SYN3: variants seen among roughly 807,000 people sequenced by gnomAD.
The protein encoded by SYN3 is synapsin-3.
A neutral mutation model predicts 65.8 loss-of-function variants in SYN3; 35 were observed. The observed-to-expected ratio is 0.53, with a 90% CI of 0.41 to 0.70. The LOEUF is 0.70. SYN3 is among the 30% of genes least tolerant of loss of function. The pLI is 0.00. For synonymous variants in SYN3, 270 were observed against 292.9 expected, an observed-to-expected ratio of 0.92 and a Z score of 0.80; for missense variants, 680 against 749.0, an observed-to-expected ratio of 0.91 and a Z score of 1.08.
intron 1 of SYN3, among the ~76,000 whole-genome samples, chr22:33,007,496 T>C (rs1046962320): frequency 6.6e-6 from 1 of 152,184 alleles, no homozygotes; most frequent in Non-Finnish European, 1.5e-5. Context: ...ATATGATGCT[T>C]CGGAAATGAG....
chr22:32,808,209 T>C (rs1336043865), intron 6 of SYN3, among the ~76,000 whole-genome samples: 2 of 152,228 alleles, frequency 1.3e-5, no homozygotes, highest in African/African-American at 4.8e-5. Flanking sequence ...AGGACTTACA[T>C]GGACTCAGGT....
At chr22:32,677,173 C>T (rs1007420264) in intron 6 of SYN3, among the ~76,000 whole-genome samples, 4 of 152,122 alleles carry the variant, frequency 2.6e-5, no homozygotes, top group South Asian at 4.1e-4. Context: ...TTTGACATAC[C>T]CCTGAAAATG....
intron 12 of SYN3, among the ~76,000 whole-genome samples, chr22:32,521,394 T>G (rs2057878329): frequency 6.6e-6 from 1 of 151,202 alleles, no homozygotes; most frequent in Non-Finnish European, 1.5e-5. Flanking sequence ...AGAGCTTCTG[T>G]GCTATCAAGA....
At chr22:33,037,673 C>T (rs1343605569) in intron 1 of SYN3, among the ~76,000 whole-genome samples, 2 of 152,234 alleles carry the variant, frequency 1.3e-5, no homozygotes, top group South Asian at 2.1e-4. Flanking sequence ...CCTAAGGTAA[C>T]CCAGTGAAGA....
chr22:32,670,411 A>C (rs1267403348), intron 6 of SYN3, among the ~76,000 whole-genome samples: 2 of 152,230 alleles, frequency 1.3e-5, no homozygotes, highest in Non-Finnish European at 2.9e-5. Flanking sequence ...ATCCTGCTTA[A>C]TTAATTAATA....
rs2059596173 is a variant in SYN3 at position 32,621,666 on chromosome 22, G to A, written c.712-24930C>T. Among the ~76,000 whole-genome samples the A allele has an allele frequency of 2.0e-5, 3 of 152,210 alleles. No homozygotes were observed. In the South Asian group the frequency reaches 6.2e-4, roughly 32 times the overall value. On this transcript the variant is annotated intron_variant, in intron 6 of 13. Transcript: ENST00000358763. ...CCTTTCCCAAATTTCCCTTACAGGG[G>A]GTGCCTTTTACCTACCTCACCCAAG...
At chr22:32,656,095 T>C (rs1310884883) in intron 6 of SYN3, among the ~76,000 whole-genome samples, 1 of 152,258 alleles carries the variant, frequency 6.6e-6, no homozygotes, top group Non-Finnish European at 1.5e-5. Context: ...CAAAAACCAG[T>C]AAGTGTCCTT....
At chr22:32,869,367 T>TCTCTCTCTCTCTCTCTCTCTCTCTCTCA (rs61464794) in intron 4 of SYN3, among the ~76,000 whole-genome samples, 35 of 142,468 alleles carry the variant, frequency 2.5e-4, no homozygotes, top group African/African-American at 8.7e-4. Context: ...TCTCTCTCTC[T>TCTCTCTCTCTCTCTCTCTCTCTCTCTCA]CACAGGCTCT....
intron 1 of SYN3, among the ~76,000 whole-genome samples, chr22:33,021,657 G>T (rs1403523495): frequency 2.0e-5 from 3 of 152,098 alleles, no homozygotes; most frequent in Admixed American, 2.0e-4. Flanking sequence ...TCTCCCTCAG[G>T]TCCTGCTGAA....
chr22:32,959,644 G>T (rs1016519771), intron 3 of SYN3, among the ~76,000 whole-genome samples: 5 of 152,070 alleles, frequency 3.3e-5, no homozygotes, highest in Non-Finnish European at 5.9e-5. Context: ...GCTCAGGCTG[G>T]AGTGCAATGA....
chr22:32,620,743 G>A (rs953986232), intron 6 of SYN3, among the ~76,000 whole-genome samples: 8 of 150,596 alleles, frequency 5.3e-5, no homozygotes, highest in African/African-American at 1.7e-4. Context: ...TTTTTTAAAC[G>A]GAATCTCACT....
chr22:32,895,943 G>T (rs2049580813), intron 4 of SYN3, among the ~76,000 whole-genome samples: 1 of 152,120 alleles, frequency 6.6e-6, no homozygotes, highest in Admixed American at 6.5e-5. Context: ...TATTAATAGG[G>T]TTGTTGGGAA....
At chr22:32,667,780 ACTTTT>A (rs2060308623) in intron 6 of SYN3, among the ~76,000 whole-genome samples, 1 of 139,820 alleles carries the variant, frequency 7.2e-6, no homozygotes, top group Non-Finnish European at 1.5e-5. Flanking sequence ...AGAGGAGATC[ACTTTT>A]CTTTCTTTCT....
chr22:32,682,093 G>C (rs2060531510), intron 6 of SYN3, among the ~76,000 whole-genome samples: 1 of 82,828 alleles, frequency 1.2e-5, no homozygotes, highest in African/African-American at 3.3e-5. Flanking sequence ...GCAGAGGGTG[G>C]AGAGGAGTGG....
intron 4 of SYN3, among the ~76,000 whole-genome samples, chr22:32,875,180 A>C (rs1339790925): frequency 6.6e-6 from 1 of 152,210 alleles, no homozygotes; most frequent in Non-Finnish European, 1.5e-5. Context: ...AACAGGATGC[A>C]GGAGGGAGGC....
At chr22:33,052,940 A>G (rs758378257) in intron 1 of SYN3, among the ~76,000 whole-genome samples, 14 of 152,244 alleles carry the variant, frequency 9.2e-5, no homozygotes, top group Non-Finnish European at 1.9e-4. Flanking sequence ...CAAAGGGAGC[A>G]TGGATAGCTG....
At chr22:32,558,827 G>A (rs940146127) in intron 7 of SYN3, among the ~76,000 whole-genome samples, 2 of 152,222 alleles carry the variant, frequency 1.3e-5, no homozygotes, top group African/African-American at 4.8e-5. Context: ...AACATGGCCG[G>A]GGCTCTGGGC....
chr22:32,609,009 C>T (rs1160034012), intron 6 of SYN3, among the ~76,000 whole-genome samples: 1 of 151,738 alleles, frequency 6.6e-6, no homozygotes, highest in Non-Finnish European at 1.5e-5. Context: ...GTAAAAATAT[C>T]TGCTTTGAAT....
At chr22:33,023,397 A>G (rs2053590073) in intron 1 of SYN3, among the ~76,000 whole-genome samples, 2 of 152,314 alleles carry the variant, frequency 1.3e-5, no homozygotes, top group South Asian at 4.1e-4. Flanking sequence ...TATGAAAGAC[A>G]TGCCTTTGCT....
Sources: allele counts gnomAD v4.1 joint callset (sites outside exome capture counted in the v4.1 genomes callset), GRCh38; gene constraint gnomAD v4.1.1; transcripts MANE v1.5; gene names NCBI Gene and HGNC (gene_info 2026-07-23, HGNC 2026-07-21).